STK24: variants seen among roughly 807,000 people sequenced by gnomAD.
STK24 encodes serine/threonine-protein kinase 24.
Under a neutral mutation model 55.6 loss-of-function variants are expected in STK24, and 21 were observed. That is an observed-to-expected ratio of 0.38 (90% CI 0.27 to 0.54). The LOEUF (loss-of-function observed/expected upper bound fraction) is 0.54, where lower values mean the gene tolerates loss of function less well. STK24 is among the 20% of genes least tolerant of loss of function. The pLI is 0.79. For missense variants in STK24, 383 were observed against 538.4 expected (o/e 0.71, Z 2.86); for synonymous variants, 200 against 215.2 (o/e 0.93, Z 0.62).
At chr13:98,493,049 G>C (rs1287223920) in intron 2 of STK24, among the ~76,000 whole-genome samples, 1 of 152,176 alleles carries the variant, frequency 6.6e-6, no homozygotes, top group Non-Finnish European at 1.5e-5. Flanking sequence ...TGTCCAAAAA[G>C]TACATCAATT....
At chr13:98,534,333 C>T (rs188936204) in intron 1 of STK24, among the ~76,000 whole-genome samples, 1 of 152,272 alleles carries the variant, frequency 6.6e-6, no homozygotes, top group African/African-American at 2.4e-5. Flanking sequence ...CTGACCTAAC[C>T]GACTCCATCT....
intron 5 of STK24, among the ~76,000 whole-genome samples, chr13:98,471,397 A>G (rs1314536323): frequency 6.6e-6 from 1 of 152,222 alleles, no homozygotes; most frequent in Non-Finnish European, 1.5e-5. Flanking sequence ...AAAAAGGGAG[A>G]TGAGAGTTCT....
chr13:98,457,360 A>G, intron 9 of STK24, 56 bp from the exon 10 acceptor site: 2 of 1,611,778 alleles, frequency 1.2e-6, no homozygotes, highest in Non-Finnish European at 1.7e-6. Context: ...CAAAACTGGG[A>G]AGCATGCTGT....
intron 1 of STK24, among the ~76,000 whole-genome samples, chr13:98,564,016 C>A (rs1476153005): frequency 6.6e-6 from 1 of 152,088 alleles, no homozygotes; most frequent in East Asian, 1.9e-4. Context: ...ATCCAGTACA[C>A]CCTAATAACA....
chr13:98,528,849 C>T (rs757423632), intron 1 of STK24, among the ~76,000 whole-genome samples: 9 of 152,200 alleles, frequency 5.9e-5, no homozygotes, highest in Non-Finnish European at 1.3e-4. Flanking sequence ...CTCTAATACC[C>T]GGTACTTCTC....
At chr13:98,525,800 AT>A (rs1896410503) in intron 1 of STK24, among the ~76,000 whole-genome samples, 1 of 152,264 alleles carries the variant, frequency 6.6e-6, no homozygotes, top group Non-Finnish European at 1.5e-5. Flanking sequence ...CTATCTCTGC[AT>A]TAAGGGCAAC....
intron 2 of STK24, among the ~76,000 whole-genome samples, chr13:98,510,482 G>A (rs1185887939): frequency 6.6e-6 from 1 of 152,184 alleles, no homozygotes; most frequent in African/African-American, 2.4e-5. Flanking sequence ...GTACACGAAT[G>A]TTCATGGGAA....
At chr13:98,556,478 T>C (rs542516845) in intron 1 of STK24, among the ~76,000 whole-genome samples, 1 of 152,300 alleles carries the variant, frequency 6.6e-6, no homozygotes, top group African/African-American at 2.4e-5. Context: ...TTCTTCTTTT[T>C]GCTTAAACTA....
chr13:98,448,290 G>A lies in STK24; in HGVS notation c.*4883C>T, dbSNP rs564920541. The A allele has an allele frequency of 1.2e-6, 2 of 1,614,016 alleles. No individual in the cohort carries two copies. Among genetic ancestry groups the A allele is most frequent in the Admixed American group, 1.7e-5 (1 of 60,030 alleles). On this transcript the variant is annotated 3_prime_UTR_variant, in exon 11 of 11. Coordinates refer to ENST00000539966, the MANE Select transcript of STK24 (RefSeq NM_001032296.4). ...GCTCTGCCTCGCGACCCCACGTGTTGAGTCACAAAGAGTCTCTTGTGTATT... is the reference window on the plus strand; with the variant it reads ...GCTCTGCCTCGCGACCCCACGTGTTAAGTCACAAAGAGTCTCTTGTGTATT...
intron 1 of STK24, among the ~76,000 whole-genome samples, chr13:98,574,270 C>G (rs1358569266): frequency 6.6e-6 from 1 of 152,220 alleles, no homozygotes; most frequent in East Asian, 1.9e-4. Context: ...TTCGGCCTCT[C>G]AAACTGCTGA....
At chr13:98,479,183 G>A (rs534883677) in intron 3 of STK24, among the ~76,000 whole-genome samples, 4 of 152,304 alleles carry the variant, frequency 2.6e-5, no homozygotes, top group Admixed American at 6.5e-5. Flanking sequence ...CAGGCAAGGC[G>A]GCTGGAACTT....
intron 3 of STK24, among the ~76,000 whole-genome samples, chr13:98,478,003 G>A (rs1179621160): frequency 1.3e-5 from 2 of 152,172 alleles, no homozygotes; most frequent in African/African-American, 4.8e-5. Context: ...TGGGGAACGA[G>A]GAGGAAGGGG....
chr13:98,495,910 G>A (rs1477035647), intron 2 of STK24, among the ~76,000 whole-genome samples: 1 of 152,170 alleles, frequency 6.6e-6, no homozygotes, highest in African/African-American at 2.4e-5. Context: ...GGGCTCCATG[G>A]ACCATTTCAA....
At chr13:98,548,330 C>T (rs988634188) in intron 1 of STK24, among the ~76,000 whole-genome samples, 5 of 152,144 alleles carry the variant, frequency 3.3e-5, no homozygotes, top group Non-Finnish European at 5.9e-5. Flanking sequence ...TATGGTGTGA[C>T]CTGCAGCCTC....
chr13:98,489,435 C>T (rs1894934893), intron 2 of STK24, among the ~76,000 whole-genome samples: 1 of 152,204 alleles, frequency 6.6e-6, no homozygotes, highest in Admixed American at 6.5e-5. Flanking sequence ...GCTAGGATTT[C>T]TTAACTGATT....
chr13:98,526,035 G>A (rs984686224), intron 1 of STK24, among the ~76,000 whole-genome samples: 7 of 152,212 alleles, frequency 4.6e-5, no homozygotes, highest in African/African-American at 1.7e-4. Context: ...AGTCAGGGTT[G>A]GTCAGCTGGA....
intron 10 of STK24, 105 bp downstream of exon 10, chr13:98,457,063 A>C: frequency 7.3e-7 from 1 of 1,378,846 alleles, no homozygotes; most frequent in Non-Finnish European, 9.7e-7. Flanking sequence ...CCTGCAAGAT[A>C]ACAGGAACAG....
intron 1 of STK24, among the ~76,000 whole-genome samples, chr13:98,533,961 C>G (rs1485627305): frequency 6.6e-6 from 1 of 152,250 alleles, no homozygotes; most frequent in Non-Finnish European, 1.5e-5. Context: ...TGGAGTCACA[C>G]TCCTTCTCAG....
chr13:98,511,957 G>A (rs1423268241), intron 2 of STK24, among the ~76,000 whole-genome samples: 1 of 148,798 alleles, frequency 6.7e-6, no homozygotes, highest in African/African-American at 2.5e-5. Context: ...CTGGAGTGCA[G>A]TGGTGTGATC....
Sources: allele counts gnomAD v4.1 joint callset (sites outside exome capture counted in the v4.1 genomes callset), GRCh38; gene constraint gnomAD v4.1.1; transcripts MANE v1.5; gene names NCBI Gene and HGNC (gene_info 2026-07-23, HGNC 2026-07-21).